Variants in NFIB observed in about 807,000 individuals in gnomAD.
NFIB encodes the protein nuclear factor 1 B-type.
A neutral mutation model predicts 61.5 loss-of-function variants in NFIB; 11 were observed. That is an observed-to-expected ratio of 0.18 (90% CI 0.11 to 0.30). The LOEUF is 0.30. NFIB is among the 10% of genes least tolerant of loss of function. The pLI is 1.00. For synonymous variants in NFIB, 260 were observed against 216.5 expected (o/e 1.20, Z -1.76); for missense variants, 471 against 608.9 (o/e 0.77, Z 2.38).
At chr9:14,458,088 C>G in the NFIB span, among the ~76,000 whole-genome samples, 1 of 152,206 alleles carries the variant, frequency 6.6e-6, no homozygotes, top group African/African-American at 2.4e-5. Context: ...AGACCAATAT[C>G]CCTGATGAAC....
the NFIB span, among the ~76,000 whole-genome samples, chr9:14,426,459 G>A: frequency 4.6e-5 from 7 of 152,106 alleles, no homozygotes; most frequent in African/African-American, 1.2e-4. Flanking sequence ...GAGAACCTTC[G>A]CTTTCATTGT....
At chr9:14,170,263 G>A (rs1003071153) in intron 3 of NFIB, among the ~76,000 whole-genome samples, 2 of 152,178 alleles carry the variant, frequency 1.3e-5, no homozygotes, top group Non-Finnish European at 1.5e-5. Context: ...AATTGTAGCT[G>A]TATGTGGCAA....
At chr9:14,174,105 C>A (rs2045877685) in intron 3 of NFIB, among the ~76,000 whole-genome samples, 1 of 152,074 alleles carries the variant, frequency 6.6e-6, no homozygotes, top group East Asian at 1.9e-4. Context: ...CATTTAAGAA[C>A]TTTATTGAAT....
At chr9:14,384,032 G>A (rs1305379435) in intron 1 of NFIB, among the ~76,000 whole-genome samples, 1 of 152,238 alleles carries the variant, frequency 6.6e-6, no homozygotes, top group Non-Finnish European at 1.5e-5. Flanking sequence ...TGGGGGGCGT[G>A]ATGCTTAAGC....
intron 3 of NFIB, among the ~76,000 whole-genome samples, chr9:14,177,500 C>G (rs577277607): frequency 3.2e-4 from 48 of 151,918 alleles, no homozygotes; most frequent in African/African-American, 1.1e-3. Flanking sequence ...CTTAATAAGC[C>G]TTATGGTTGA....
At chr9:14,475,188 T>C in the NFIB span, among the ~76,000 whole-genome samples, 1 of 152,218 alleles carries the variant, frequency 6.6e-6, no homozygotes, top group South Asian at 2.1e-4. Flanking sequence ...AGTATTACCA[T>C]CCTAATTTTA....
chr9:14,377,825 T>C (rs2132990295), intron 1 of NFIB, among the ~76,000 whole-genome samples: 1 of 152,220 alleles, frequency 6.6e-6, no homozygotes, highest in African/African-American at 2.4e-5. Context: ...GAAGCGGAGG[T>C]GAAAGCCTGA....
At chr9:14,273,421 C>T (rs2057768371) in intron 2 of NFIB, among the ~76,000 whole-genome samples, 1 of 152,070 alleles carries the variant, frequency 6.6e-6, no homozygotes, top group African/African-American at 2.4e-5. Flanking sequence ...CCCATAATTA[C>T]ATATTAAATT....
intron 2 of NFIB, among the ~76,000 whole-genome samples, chr9:14,289,650 GA>G (rs1381425977): frequency 6.6e-6 from 1 of 151,410 alleles, no homozygotes; most frequent in Non-Finnish European, 1.5e-5. Flanking sequence ...TGCACACTTT[GA>G]AAAAATCTAA....
the NFIB span, among the ~76,000 whole-genome samples, chr9:14,512,555 T>C: frequency 3.9e-5 from 6 of 152,320 alleles, no homozygotes; most frequent in East Asian, 1.9e-4. Context: ...GATTAAATAA[T>C]AGAAGTCTTA....
chr9:14,390,177 G>C (rs1468961886), intron 1 of NFIB, among the ~76,000 whole-genome samples: 1 of 152,136 alleles, frequency 6.6e-6, no homozygotes, highest in Non-Finnish European at 1.5e-5. Context: ...GGAAAAAAAG[G>C]CAAGCAATCA....
chr9:14,163,508 A>AAG (rs1267948750), intron 3 of NFIB, among the ~76,000 whole-genome samples: 5 of 151,950 alleles, frequency 3.3e-5, no homozygotes, highest in Non-Finnish European at 7.4e-5. Flanking sequence ...AGCAACGGTT[A>AAG]AGAGAAAACT....
At chr9:14,245,540 G>A (rs116230549) in intron 2 of NFIB, among the ~76,000 whole-genome samples, 135 of 152,076 alleles carry the variant, frequency 8.9e-4, no homozygotes, top group African/African-American at 3.1e-3. Flanking sequence ...GGAGAGATAC[G>A]TAAACACATG....
intron 1 of NFIB, among the ~76,000 whole-genome samples, chr9:14,358,819 G>A (rs1301578676): frequency 6.6e-6 from 1 of 152,150 alleles, no homozygotes; most frequent in African/African-American, 2.4e-5. Context: ...GAAATTTCAT[G>A]TGCCAGTTGT....
chr9:14,318,894 A>AACT (rs2060601099), upstream of NFIB, among the ~76,000 whole-genome samples: 1 of 152,130 alleles, frequency 6.6e-6, no homozygotes, highest in African/African-American at 2.4e-5. Flanking sequence ...CCAGCTCTTA[A>AACT]ACTACTACTG....
chr9:14,237,187 T>G (rs1216137231), intron 2 of NFIB, among the ~76,000 whole-genome samples: 3 of 152,200 alleles, frequency 2.0e-5, no homozygotes, highest in South Asian at 2.1e-4. Context: ...CTGAAATTCC[T>G]AAAAGGCTAC....
intron 2 of NFIB, among the ~76,000 whole-genome samples, chr9:14,275,092 T>C (rs2057904657): frequency 6.6e-6 from 1 of 152,172 alleles, no homozygotes; most frequent in African/African-American, 2.4e-5. Flanking sequence ...AGTAAGTTCT[T>C]AATTTGCCCA....
At chr9:14,306,865 T>C (rs1005425255) in intron 2 of NFIB, 124 bp downstream of exon 2, 5 of 1,180,334 alleles carry the variant, frequency 4.2e-6, no homozygotes, top group African/African-American at 3.0e-5. Context: ...CACCCTACTA[T>C]ACCCAGAGAG....
At chr9:14,429,627 T>C in the NFIB span, among the ~76,000 whole-genome samples, 3 of 152,206 alleles carry the variant, frequency 2.0e-5, no homozygotes, top group African/African-American at 7.2e-5. Context: ...TCTCGGATCC[T>C]GTGGATGAAA....
Sources: allele counts gnomAD v4.1 joint callset (sites outside exome capture counted in the v4.1 genomes callset), GRCh38; gene constraint gnomAD v4.1.1; transcripts MANE v1.5; gene names NCBI Gene and HGNC (gene_info 2026-07-23, HGNC 2026-07-21).